TMEM117: variants seen among roughly 807,000 people sequenced by gnomAD.
TMEM117 encodes transmembrane protein 117.
TMEM117 carries 27 observed loss-of-function variants against 52.4 expected under a neutral mutation model. The observed-to-expected ratio is 0.51, with a 90% CI of 0.38 to 0.71. TMEM117 has a LOEUF of 0.71. Among genes scored for constraint, TMEM117 ranks in the 30% least tolerant of loss-of-function variants. The pLI is 0.00. For missense variants in TMEM117, 556 were observed against 630.5 expected, an observed-to-expected ratio of 0.88 and a Z score of 1.26; for synonymous variants, 215 against 206.3, an observed-to-expected ratio of 1.04 and a Z score of -0.36.
intron 4 of TMEM117, among the ~76,000 whole-genome samples, chr12:44,180,292 G>A (rs1949174563): frequency 1.3e-5 from 2 of 151,436 alleles, no homozygotes; most frequent in East Asian, 1.9e-4. Flanking sequence ...TGCAGCTCAT[G>A]TTCCTCTATC....
At chr12:43,981,096 C>A (rs2137720838) in intron 3 of TMEM117, among the ~76,000 whole-genome samples, 1 of 152,236 alleles carries the variant, frequency 6.6e-6, no homozygotes, top group African/African-American at 2.4e-5. Context: ...AGCTTCCCGG[C>A]CTTCCAAGAA....
At chr12:44,270,687 T>G (rs567517709) in intron 5 of TMEM117, among the ~76,000 whole-genome samples, 66 of 152,292 alleles carry the variant, frequency 4.3e-4, no homozygotes, top group Admixed American at 1.4e-3. Context: ...ATCCTTGTCA[T>G]GTTCCAGTTC....
At chr12:44,178,911 T>C (rs1448952817) in intron 4 of TMEM117, among the ~76,000 whole-genome samples, 1 of 152,132 alleles carries the variant, frequency 6.6e-6, no homozygotes, top group African/African-American at 2.4e-5. Flanking sequence ...CTGCTTTATA[T>C]GGCTGGGTGC....
chr12:44,287,162 C>T (rs540727277), intron 5 of TMEM117, among the ~76,000 whole-genome samples: 2 of 152,092 alleles, frequency 1.3e-5, no homozygotes, highest in African/African-American at 4.8e-5. Flanking sequence ...TTCTATTAAC[C>T]TAAGAGGTAT....
At position 44,299,611 on chromosome 12, in the gene TMEM117, G is replaced by T. The variant is rs1950813407; in HGVS notation, c.640G>T (p.Val214Leu). The T allele has an allele frequency of 6.2e-7, 1 of 1,614,202 alleles. No individual in the cohort carries two copies. Among genetic ancestry groups the T allele is most frequent in the Non-Finnish European group, 8.5e-7 (1 of 1,180,030 alleles). The change falls in exon 6 of 8, where the codon GTA becomes TTA. Residue 214 changes from valine (V) to leucine (L), a missense_variant. Physicochemically the swap from Val to Leu is conservative, Grantham distance 32. This residue lies in a region of TMEM117 where 328 missense variants were observed against 371.4 expected (regional missense o/e 0.88). Coordinates refer to ENST00000266534, the MANE Select transcript of TMEM117 (RefSeq NM_032256.3). The part of the protein sequence containing the change: ...TVLFTLTSVV[V>L]LVITTDWISW... ...TCTTTTTACTCTGACGTCTGTGGTTGTACTTGTGATTACAACGGACTGGAT... is the reference window on the plus strand; with the variant it reads ...TCTTTTTACTCTGACGTCTGTGGTTTTACTTGTGATTACAACGGACTGGAT...
chr12:43,964,468 T>C (rs561362057), intron 3 of TMEM117, among the ~76,000 whole-genome samples: 25 of 152,350 alleles, frequency 1.6e-4, no homozygotes, highest in Non-Finnish European at 3.1e-4. Context: ...CCTAAAATTC[T>C]TCTCCACCTT....
chr12:43,869,735 A>AT (rs1024333529), intron 2 of TMEM117, among the ~76,000 whole-genome samples: 2 of 151,866 alleles, frequency 1.3e-5, no homozygotes, highest in Admixed American at 1.3e-4. Context: ...GGATCTCTAC[A>AT]TTTTTTTTAA....
rs565635441 is a variant in TMEM117, at chr12:44,211,725, A to G, written c.608+338A>G. On this transcript the variant is annotated intron_variant, in intron 5 of 7. Transcript: ENST00000266534. ...TCCTATAAATACTAAATTGCCTAGTATATTTGACAGGATATGATTTTGCTC... is the reference window on the plus strand; with the variant it reads ...TCCTATAAATACTAAATTGCCTAGTGTATTTGACAGGATATGATTTTGCTC... Among the ~76,000 whole-genome samples the G allele has an allele frequency of 1.8e-4, 28 of 152,304 alleles. No individual in the cohort carries two copies. The South Asian group carries it at 1.9e-3, about 10-fold the overall frequency.
intron 5 of TMEM117, among the ~76,000 whole-genome samples, chr12:44,236,379 A>G (rs553210531): frequency 2.1e-4 from 32 of 151,912 alleles, no homozygotes; most frequent in African/African-American, 7.0e-4. Flanking sequence ...ATTTCTAGTT[A>G]GTTTTCTTTT....
At chr12:44,276,906 G>GTA (rs924975416) in intron 5 of TMEM117, among the ~76,000 whole-genome samples, 1 of 147,070 alleles carries the variant, frequency 6.8e-6, no homozygotes, top group African/African-American at 2.7e-5. Context: ...GTGTGTGTGT[G>GTA]TATGTGTGTG....
chr12:44,118,266 T>C (rs954705687), intron 3 of TMEM117, among the ~76,000 whole-genome samples: 6 of 152,212 alleles, frequency 3.9e-5, no homozygotes, highest in South Asian at 2.1e-4. Flanking sequence ...CCCTTTCTCA[T>C]TGAGTAATGA....
At chr12:44,076,139 C>T (rs780686402) in intron 3 of TMEM117, among the ~76,000 whole-genome samples, 14 of 152,070 alleles carry the variant, frequency 9.2e-5, no homozygotes, top group Admixed American at 3.3e-4. Flanking sequence ...TAAAAACATA[C>T]GTGAGAAATT....
intron 4 of TMEM117, among the ~76,000 whole-genome samples, chr12:44,168,016 G>A (rs1347727478): frequency 6.6e-6 from 1 of 152,126 alleles, no homozygotes; most frequent in Non-Finnish European, 1.5e-5. Context: ...AGCACTTTGG[G>A]AGGCTGAGGT....
At chr12:44,242,263 AT>A (rs1004604628) in intron 5 of TMEM117, among the ~76,000 whole-genome samples, 4 of 150,748 alleles carry the variant, frequency 2.7e-5, no homozygotes, top group Admixed American at 6.6e-5. Context: ...CCCAATAGTT[AT>A]TTTTTTTCTA....
chr12:43,998,788 C>T (rs1261902459), intron 3 of TMEM117, among the ~76,000 whole-genome samples: 1 of 152,034 alleles, frequency 6.6e-6, no homozygotes, highest in Non-Finnish European at 1.5e-5. Context: ...AACAGCAAGC[C>T]AGGAAGTAAG....
intron 6 of TMEM117, among the ~76,000 whole-genome samples, chr12:44,373,200 A>G (rs1425353882): frequency 6.6e-6 from 1 of 152,184 alleles, no homozygotes; most frequent in Non-Finnish European, 1.5e-5. Context: ...TCTCCCTCAC[A>G]CTTAAAGTCT....
chr12:44,372,433 A>T (rs1273991411), intron 6 of TMEM117, among the ~76,000 whole-genome samples: 1 of 152,186 alleles, frequency 6.6e-6, no homozygotes, highest in Non-Finnish European at 1.5e-5. Context: ...TGCCAGGAGA[A>T]TCTCAGTGTT....
the TMEM117 span, among the ~76,000 whole-genome samples, chr12:44,398,969 ATGTT>A: frequency 6.6e-6 from 1 of 152,140 alleles, no homozygotes; most frequent in Non-Finnish European, 1.5e-5. Flanking sequence ...TATATGATAA[ATGTT>A]TGTGAGGATG....
chr12:44,099,566 C>G (rs1194993862), intron 3 of TMEM117, among the ~76,000 whole-genome samples: 1 of 151,874 alleles, frequency 6.6e-6, no homozygotes, highest in African/African-American at 2.4e-5. Flanking sequence ...GCAGTACAAC[C>G]TTGTTTTCAG....
Sources: allele counts gnomAD v4.1 joint callset (sites outside exome capture counted in the v4.1 genomes callset), GRCh38; gene constraint gnomAD v4.1.1; regional missense constraint gnomAD v4.1.1; transcripts MANE v1.5; gene names NCBI Gene and HGNC (gene_info 2026-07-23, HGNC 2026-07-21).